The following RBFOX1 variants were observed in gnomAD, a reference collection of about 807,000 sequenced individuals.
RBFOX1 encodes the protein RNA binding protein fox-1 homolog 1.
Under a neutral mutation model 57.7 loss-of-function variants are expected in RBFOX1, and 8 were observed. The observed-to-expected ratio is 0.14, with a 90% CI of 0.08 to 0.25. The LOEUF (loss-of-function observed/expected upper bound fraction) is 0.25, where lower values mean the gene tolerates loss of function less well. Ranked by LOEUF, RBFOX1 falls within the 10% of genes least tolerant of loss-of-function variation. RBFOX1 has a pLI of 1.00. For missense variants in RBFOX1, 611 were observed against 548.5 expected (o/e 1.11, Z -1.14); for synonymous variants, 326 against 222.4 (o/e 1.47, Z -4.15).
intron 5 of RBFOX1, among the ~76,000 whole-genome samples, chr16:7,560,196 T>C (rs774628933): frequency 3.3e-5 from 5 of 152,182 alleles, no homozygotes; most frequent in African/African-American, 1.2e-4. Flanking sequence ...CCTGTCAACT[T>C]TTCTGGCTGC....
intron 1 of RBFOX1, among the ~76,000 whole-genome samples, chr16:5,441,363 GTTT>G (rs34446326): frequency 1.7e-4 from 19 of 111,710 alleles, no homozygotes; most frequent in African/African-American, 4.6e-4. Flanking sequence ...AGGAAAGAGG[GTTT>G]TTTTTTTTTT....
intron 4 of RBFOX1, among the ~76,000 whole-genome samples, chr16:7,437,258 C>CCCA (rs1555451113): frequency 1.3e-5 from 2 of 150,684 alleles, no homozygotes; most frequent in Non-Finnish European, 3.0e-5. Context: ...TTGCCCCCCC[C>CCCA]CCCTTTCTGT....
chr16:6,174,136 A>G (rs1263132101), intron 1 of RBFOX1, among the ~76,000 whole-genome samples: 1 of 152,066 alleles, frequency 6.6e-6, no homozygotes, highest in East Asian at 1.9e-4. Context: ...CTTGGTTTGC[A>G]CTTCTATGAG....
chr16:5,370,670 T>A (rs577381490), intron 1 of RBFOX1, among the ~76,000 whole-genome samples: 1 of 151,734 alleles, frequency 6.6e-6, no homozygotes, highest in Non-Finnish European at 1.5e-5. Flanking sequence ...TTTTTTTTTA[T>A]GTTTTGTAGA....
At chr16:7,238,999 C>T (rs2093921013) in intron 4 of RBFOX1, among the ~76,000 whole-genome samples, 2 of 152,090 alleles carry the variant, frequency 1.3e-5, no homozygotes, top group South Asian at 4.1e-4. Flanking sequence ...TGCATAGCAC[C>T]CCACAGTATA....
At chr16:6,504,158 C>T in intron 2 of RBFOX1, among the ~76,000 whole-genome samples, 1 of 152,096 alleles carries the variant, frequency 6.6e-6, no homozygotes, top group Non-Finnish European at 1.5e-5. Context: ...AAGAACAACC[C>T]CTGGATAAAG....
chr16:6,415,676 G>A (rs2093605136), intron 2 of RBFOX1, among the ~76,000 whole-genome samples: 1 of 152,100 alleles, frequency 6.6e-6, no homozygotes, highest in East Asian at 1.9e-4. Flanking sequence ...ACTCTAGCCT[G>A]GGCAACAAAG....
chr16:6,934,971 C>T (rs560208351), intron 3 of RBFOX1, among the ~76,000 whole-genome samples: 20 of 152,084 alleles, frequency 1.3e-4, no homozygotes, highest in Admixed American at 1.2e-3. Context: ...GCCTGTGGTT[C>T]CAGCAAGTCG....
intron 1 of RBFOX1, among the ~76,000 whole-genome samples, chr16:6,283,620 T>G (rs546542088): frequency 5.9e-5 from 9 of 152,274 alleles, no homozygotes; most frequent in African/African-American, 2.2e-4. Flanking sequence ...ATGCCTAACT[T>G]TATAGATATT....
chr16:6,916,876 G>A (rs1050663806), intron 3 of RBFOX1, among the ~76,000 whole-genome samples: 1 of 152,076 alleles, frequency 6.6e-6, no homozygotes, highest in Non-Finnish European at 1.5e-5. Context: ...ATAAGATGGA[G>A]TCTCTCTCTG....
At chr16:5,619,393 A>G (rs2151276888) in intron 3 of RBFOX1, among the ~76,000 whole-genome samples, 1 of 152,276 alleles carries the variant, frequency 6.6e-6, no homozygotes, top group African/African-American at 2.4e-5. Context: ...AGGGAGGCCC[A>G]GAGACCTGGG....
chr16:5,277,290 C>T (rs1215415784), intron 1 of RBFOX1, among the ~76,000 whole-genome samples: 1 of 151,442 alleles, frequency 6.6e-6, no homozygotes, highest in Non-Finnish European at 1.5e-5. Context: ...AAACAGTGGA[C>T]TTTGGGGGCT....
chr16:6,767,958 A>AT (rs1567165972), intron 3 of RBFOX1, among the ~76,000 whole-genome samples: 66 of 117,120 alleles, frequency 5.6e-4, no homozygotes, highest in African/African-American at 2.0e-3. Context: ...AAGAAGAAGA[A>AT]GAAGAAGAAG....
intron 4 of RBFOX1, among the ~76,000 whole-genome samples, chr16:7,212,448 A>T (rs2091320272): frequency 6.6e-6 from 1 of 152,186 alleles, no homozygotes. Context: ...GCATACTTGT[A>T]TCCATGCAGA....
chr16:6,733,398 G>T (rs896475209), intron 3 of RBFOX1, among the ~76,000 whole-genome samples: 6 of 152,146 alleles, frequency 3.9e-5, no homozygotes, highest in Admixed American at 3.3e-4. Flanking sequence ...AGCAAAGCCT[G>T]TGCCTGTCAG....
chr16:6,856,845 C>G (rs1030384506), intron 3 of RBFOX1, among the ~76,000 whole-genome samples: 2 of 151,840 alleles, frequency 1.3e-5, no homozygotes, highest in African/African-American at 4.8e-5. Context: ...TGACAGATCC[C>G]TTAATTGTCA....
intron 1 of RBFOX1, among the ~76,000 whole-genome samples, chr16:6,069,410 A>AG (rs1044966637): frequency 5.3e-5 from 8 of 151,608 alleles, no homozygotes; most frequent in Non-Finnish European, 1.0e-4. Context: ...AAAAAAAAAA[A>AG]AAAAAAGGGA....
chr16:5,895,189 A>G (rs961506130), intron 4 of RBFOX1, among the ~76,000 whole-genome samples: 16 of 152,222 alleles, frequency 1.1e-4, no homozygotes, highest in South Asian at 2.1e-4. Context: ...CTTGCCTGCT[A>G]TAAATGCTGA....
At chr16:6,860,964 T>C (rs906270999) in intron 3 of RBFOX1, among the ~76,000 whole-genome samples, 1 of 152,130 alleles carries the variant, frequency 6.6e-6, no homozygotes, top group African/African-American at 2.4e-5. Flanking sequence ...GCATATATGG[T>C]AAAACGAGAT....
Sources: allele counts gnomAD v4.1 joint callset (sites outside exome capture counted in the v4.1 genomes callset), GRCh38; gene constraint gnomAD v4.1.1; transcripts MANE v1.5; gene names NCBI Gene and HGNC (gene_info 2026-07-23, HGNC 2026-07-21).